The following TH variants were observed in gnomAD, a reference collection of about 807,000 sequenced individuals.
The protein encoded by TH is tyrosine 3-monooxygenase.
In TH, 49 loss-of-function variants were observed where a neutral mutation model predicts 57.4. The ratio of observed to expected loss-of-function variants is 0.85; its 90% CI spans 0.68 to 1.08. The LOEUF (loss-of-function observed/expected upper bound fraction) is 1.08. Ranked by LOEUF, TH falls within the 50% of genes least tolerant of loss-of-function variation. The pLI is 0.00. For missense variants in TH, 720 were observed against 696.7 expected, an observed-to-expected ratio of 1.03 and a Z score of -0.38; for synonymous variants, 330 against 304.5, an observed-to-expected ratio of 1.08 and a Z score of -0.87.
intron 1 of TH, 126 bp from the exon 2 acceptor site, chr11:2,169,997 G>C: frequency 1.0e-6 from 1 of 995,952 alleles, no homozygotes; most frequent in Non-Finnish European, 1.5e-6. Context: ...GCACGTTTTT[G>C]AGCGCCTACT....
rs1395077456 is a variant in TH at position 2,164,026 on chromosome 11, G to A, written c.*207C>T. 2.9e-5 allele frequency: 12 copies of A among 420,856 alleles called. No homozygotes were observed. Among genetic ancestry groups the A allele is most frequent in the Admixed American group, 1.3e-4 (3 of 23,354 alleles). The allele number at this position is 420,856 out of a possible 1,614,324, so 26.1% of individuals were successfully genotyped here. ...TGCAGCAGCCCCCAGGACCCTGGGA[G>A]CCAGGACAGGACCTCACCACAGGCA... is the stretch of plus-strand genomic sequence containing the variant. On this transcript the variant is annotated 3_prime_UTR_variant, in exon 13 of 13. Transcript: ENST00000352909.
chr11:2,167,359 G>A (rs913864029), intron 6 of TH, 76 bp downstream of exon 6: 41 of 1,482,014 alleles, frequency 2.8e-5, no homozygotes, highest in Non-Finnish European at 3.6e-5. Context: ...GTCCCTGGAG[G>A]CGGCCCTCAC....
chr11:2,168,183 T>C lies in TH; in HGVS notation c.488-4A>G, dbSNP rs760579112. 2.9e-5 allele frequency: 46 copies of C among 1,613,064 alleles called. No individual in the cohort carries two copies. Among genetic ancestry groups the C allele is most frequent in the Non-Finnish European group, 3.6e-5 (43 of 1,179,842 alleles). Reference sequence around the variant, plus strand: ...ACTTTTCTTGGGAACCAGGGGACTTTATGGGTGATGGAGGAAGAGATCTTG... The same window carrying C: ...ACTTTTCTTGGGAACCAGGGGACTTCATGGGTGATGGAGGAAGAGATCTTG... On this transcript the variant is annotated splice_region_variant and splice_polypyrimidine_tract_variant and intron_variant, in intron 3 of 12. Coordinates refer to ENST00000352909, the MANE Select transcript of TH (RefSeq NM_000360.4).
rs749227608 is a variant in TH, at chr11:2,167,040, C to G, written c.696-8G>C. ...GTGGTGTAGACCTCCTTCCTGCGGGCAGCCAGGCTCAGGGCCCTCTAATGC... is the reference window on the plus strand; with the variant it reads ...GTGGTGTAGACCTCCTTCCTGCGGGGAGCCAGGCTCAGGGCCCTCTAATGC... On this transcript the variant is annotated splice_region_variant and splice_polypyrimidine_tract_variant and intron_variant, in intron 6 of 12. Transcript: ENST00000352909. 22 of 1,573,778 alleles carry G rather than the reference C, an allele frequency of 1.4e-5. No individual in the cohort carries two copies. In the African/African-American group the frequency reaches 3.0e-4, roughly 21 times the overall value.
Position 2,168,568 on chromosome 11 carries a change from C to T in TH, c.410G>A (p.Arg137His), listed in dbSNP as rs768153273. The stretch of plus-strand genomic sequence containing the variant: ...GAGCAGGGCGGCCAGGTCCCCTCGG[C>T]GCACCTCGAGGCGCACGAAGTACTC... ...HLEYFVRLEV[R>H]RGDLAALLSG... Residue 137 changes from arginine (R) to histidine (H), a missense_variant, in exon 3 of 13, where the codon CGC becomes CAC. Coordinates refer to ENST00000352909, the MANE Select transcript of TH (RefSeq NM_000360.4). 9.3e-6 allele frequency: 15 copies of T among 1,611,830 alleles called. No homozygotes were observed. Among genetic ancestry groups the T allele is most frequent in the African/African-American group, 5.3e-5 (4 of 75,044 alleles).
chr11:2,167,235 C>G, intron 6 of TH, 200 bp downstream of exon 6: 1 of 969,400 alleles, frequency 1.0e-6, no homozygotes, highest in Non-Finnish European at 1.5e-6. Context: ...GGGGCGGTCC[C>G]TCAGCACACT....
intron 12 of TH, 69 bp from the exon 13 acceptor site, chr11:2,164,461 G>T: frequency 6.6e-7 from 1 of 1,517,454 alleles, no homozygotes; most frequent in South Asian, 1.3e-5. Context: ...GAGAGGGGAG[G>T]CCAGGGGCCG....
chr11:2,165,063 C>A (rs1200136432), intron 12 of TH, among the ~76,000 whole-genome samples, 169 bp downstream of exon 12: 3 of 152,208 alleles, frequency 2.0e-5, no homozygotes, highest in Non-Finnish European at 4.4e-5. Context: ...ACGCTGGGGT[C>A]CTTCTCACGG....
intron 5 of TH, 44 bp from the exon 6 acceptor site, chr11:2,167,529 G>C: frequency 6.5e-7 from 1 of 1,546,328 alleles, no homozygotes. Flanking sequence ...CGGGGAGTGA[G>C]AAGGGCAGGA....
chr11:2,168,420 C>G (rs1490185505), intron 3 of TH, 71 bp downstream of exon 3: 3 of 1,588,222 alleles, frequency 1.9e-6, no homozygotes, highest in Non-Finnish European at 2.6e-6. Context: ...GTAGGGTCCC[C>G]CTGCAGGAGC....
rs937625005 is a variant in TH, at chr11:2,169,779, G to A, written c.183C>T (p.Pro61=). The A allele has an allele frequency of 2.5e-6, 4 of 1,611,432 alleles. No individual in the cohort carries two copies. Among genetic ancestry groups the A allele is most frequent in the Non-Finnish European group, 3.4e-6 (4 of 1,179,482 alleles). ...CCTCCAGGGGGTCCCCGGGCTCCGA[G>A]GGGACTGCAGCGGCCGCTGCTGCCA... The part of the protein sequence containing the change: ...AAVAAAAAAV[P]SEPGDPLEAV... Residue 61 remains proline (P), a synonymous_variant, in exon 2 of 13, where the codon CCC becomes CCT. Coordinates refer to ENST00000352909, the MANE Select transcript of TH (RefSeq NM_000360.4).
In TH at chr11:2,170,246, T is replaced by C. The variant is rs1406463582; in HGVS notation, c.91-375A>G. Among the ~76,000 whole-genome samples the C allele has an allele frequency of 6.6e-6, 1 of 152,062 alleles. No individual in the cohort carries two copies. Among genetic ancestry groups the C allele is most frequent in the Non-Finnish European group, 1.5e-5 (1 of 67,998 alleles). On this transcript the variant is annotated intron_variant, in intron 1 of 12. Transcript: ENST00000352909. This position sits in a 1 kb window ranked among gnomAD's most constrained non-coding sequence, Gnocchi z 6.0. ...GGCGATGTCTTGATGGACAGTGGCA[T>C]CGGCTGCCGGGGAGGGAACGGCAGC...
chr11:2,168,749 ACAT>A, intron 2 of TH, 84 bp from the exon 3 acceptor site: 2 of 1,108,152 alleles, frequency 1.8e-6, no homozygotes. Flanking sequence ...GGGAGGAGGC[ACAT>A]CTGGCTGGCT....
rs1437906953 is a variant in TH, at chr11:2,167,455, G to A, written c.675C>T (p.Thr225=). 7 of 1,563,980 alleles carry A rather than the reference G, an allele frequency of 4.5e-6. No individual in the cohort carries two copies. The highest frequency in any genetic ancestry group is 1.9e-5 in the Admixed American group (1 of 52,818). ...CTCACCAGGTGGCAATCTCCTCGGC[G>A]GTGTACTCCACACGGGGAATCGGGT... ...HGDPIPRVEY[T]AEEIATWKEV... Residue 225 remains threonine, a synonymous_variant, in exon 6 of 13, where the codon ACC becomes ACT. Transcript: ENST00000352909.
At position 2,168,548 on chromosome 11, in the gene TH, G is replaced by T. The variant is rs1438727845; in HGVS notation, c.430C>A (p.Leu144Met). The T allele has an allele frequency of 6.2e-7, 1 of 1,612,054 alleles. No individual in the cohort carries two copies. Among genetic ancestry groups the T allele is most frequent in the Admixed American group, 1.7e-5 (1 of 59,990 alleles). ...LEVRRGDLAA[L>M]LSGVRQVSED... is the part of the protein sequence containing the mutation. ...GACACCTGGCGCACACCACTGAGCA[G>T]GGCGGCCAGGTCCCCTCGGCGCACC... Residue 144 changes from leucine to methionine, a missense_variant, in exon 3 of 13, where the codon CTG becomes ATG. By Grantham distance (15) the Leu-to-Met change is conservative (BLOSUM62 2). Coordinates refer to ENST00000352909, the MANE Select transcript of TH (RefSeq NM_000360.4).
chr11:2,169,534 G>T, intron 2 of TH, 116 bp downstream of exon 2: 1 of 996,810 alleles, frequency 1.0e-6, no homozygotes, highest in East Asian at 2.5e-5. Context: ...TGCATCCTGT[G>T]CCGGCCTCGG....
intron 8 of TH, 24 bp from the exon 9 acceptor site, chr11:2,166,573 G>C (rs922247873): frequency 6.3e-7 from 1 of 1,594,374 alleles, no homozygotes; most frequent in Non-Finnish European, 8.5e-7. Context: ...GGAGAAGGGG[G>C]CTGAGGGGCC....
intron 7 of TH, 50 bp from the exon 8 acceptor site, chr11:2,166,818 C>T: frequency 2.6e-6 from 4 of 1,555,324 alleles, no homozygotes; most frequent in African/African-American, 1.4e-5. Context: ...GCTGGAGCCG[C>T]GCTGGGGTGG....
In TH at chr11:2,171,371, T is replaced by A. The variant is rs182756839; in HGVS notation, c.90+326A>T. 4.0e-3 allele frequency among the ~76,000 whole-genome samples: 602 copies of A among 151,472 alleles called. 2 individuals are homozygous for A. The highest frequency in any genetic ancestry group is 0.014 in the African/African-American group (570 of 41,260). ...CCGGGGACCTCTGGCCATCTTGGAT[T>A]TTTTGGATGGATTTGTTTCCACATT... is the stretch of plus-strand genomic sequence containing the variant. On this transcript the variant is annotated intron_variant, in intron 1 of 12. Transcript: ENST00000352909. The surrounding 1 kb of genome is among the most constrained non-coding windows in gnomAD (Gnocchi z 8.6).
Sources: gnomAD v4.1 joint callset for allele counts (sites outside exome capture counted in the v4.1 genomes callset) on GRCh38, gnomAD v4.1.1 for gene constraint, Gnocchi (gnomAD v3.1) non-coding constraint, MANE v1.5 for transcripts, NCBI Gene and HGNC (gene_info 2026-07-23, HGNC 2026-07-21) for gene names.